ATP6V1E2: variants seen among roughly 807,000 people sequenced by gnomAD.
The protein encoded by ATP6V1E2 is ATPase H+ transporting V1 subunit E2, also known as V-type proton ATPase subunit E 2.
For synonymous variants in ATP6V1E2, 121 were observed against 104.2 expected, an observed-to-expected ratio of 1.16 and a Z score of -0.98; for missense variants, 308 against 273.3, an observed-to-expected ratio of 1.13 and a Z score of -0.90.
intron 4 of ATP6V1E2, among the ~76,000 whole-genome samples, chr2:46,514,211 T>C (rs372794323): frequency 3.1e-4 from 47 of 151,848 alleles, no homozygotes; most frequent in African/African-American, 1.1e-3. Flanking sequence ...ACCCAGGAGG[T>C]GGAGATTCCA....
chr2:46,536,175 C>T (rs935475295), intron 3 of ATP6V1E2, among the ~76,000 whole-genome samples: 1 of 152,178 alleles, frequency 6.6e-6, no homozygotes, highest in Non-Finnish European at 1.5e-5. Context: ...ACATTAAGAG[C>T]GCTTGAGCCG....
chr2:46,516,835 A>G (rs747249296), intron 4 of ATP6V1E2, among the ~76,000 whole-genome samples: 1 of 152,238 alleles, frequency 6.6e-6, no homozygotes, highest in Non-Finnish European at 1.5e-5. Context: ...AAGAAGTTAA[A>G]AACAAATAAA....
chr2:46,512,192 C>G lies in ATP6V1E2; in HGVS notation c.520G>C (p.Ala174Pro), dbSNP rs540967481. 6.2e-6 allele frequency: 10 copies of G among 1,614,060 alleles called. No homozygotes were observed. Among genetic ancestry groups the G allele is most frequent in the African/African-American group, 1.3e-5 (1 of 74,912 alleles). Reference sequence around the variant, plus strand: ...TCCACACCTCCAGCTGCATTCACAGCCAGGTATGCCTCTTTATCAATCTGG... The same window carrying G: ...TCCACACCTCCAGCTGCATTCACAGGCAGGTATGCCTCTTTATCAATCTGG... Reference protein sequence around the residue: ...EVQIDKEAYLAVNAAGGVEVY... With the variant: ...EVQIDKEAYLPVNAAGGVEVY... Residue 174 changes from alanine (A) to proline (P), a missense_variant, in exon 5 of 5, where the codon GCT (alanine) becomes CCT (proline). Ala to Pro is a conservative substitution (Grantham distance 27). Coordinates refer to ENST00000522587, the MANE Select transcript of ATP6V1E2 (RefSeq NM_001318063.2).
chr2:46,531,965 T>C (rs7607308), intron 4 of ATP6V1E2, among the ~76,000 whole-genome samples: 37,220 of 152,182 alleles, frequency 0.24, 4,762 homozygotes, highest in Admixed American at 0.3. Flanking sequence ...TTTGTAAGTA[T>C]TTTCTCTCAT....
Position 46,542,546 on chromosome 2 carries a change from GGCAGGGCCGCGCGGCGGCA to G in ATP6V1E2, c.-722_-704del, listed in dbSNP as rs1667842878. ...GCAGGGAGTGGGGCTCGGGTGCGCC[GGCAGGGCCGCGCGGCGGCA>G]GCAGGCGGGGGCGCGTGGCGCGGGC... On this transcript the variant is annotated 5_prime_UTR_variant, in exon 1 of 5. Transcript: ENST00000522587. The G allele has an allele frequency of 1.3e-5, 2 of 148,598 alleles. No homozygotes were observed. Among genetic ancestry groups the G allele is most frequent in the East Asian group, 3.9e-4 (2 of 5,104 alleles). 9.2% of individuals were successfully genotyped at this position (148,598 alleles called of 1,614,324 possible). A position where few individuals can be genotyped will look rare whatever the true frequency, so the allele number is the denominator to read the frequency against.
intron 2 of ATP6V1E2, among the ~76,000 whole-genome samples, chr2:46,540,613 CTTTTTTTTTTTTTTTT>C (rs59810518): frequency 8.6e-6 from 1 of 115,614 alleles, no homozygotes; most frequent in African/African-American, 3.4e-5. Context: ...TTTTCTGTAA[CTTTTTTTTTTTTTTTT>C]TTTTTTTTTT....
intron 4 of ATP6V1E2, among the ~76,000 whole-genome samples, chr2:46,517,914 G>T (rs934588747): frequency 6.6e-6 from 1 of 152,246 alleles, no homozygotes; most frequent in Non-Finnish European, 1.5e-5. Context: ...TGGTGGGAAT[G>T]TAAAATGATG....
intron 4 of ATP6V1E2, among the ~76,000 whole-genome samples, chr2:46,529,557 C>T (rs1176553479): frequency 6.6e-6 from 1 of 152,130 alleles, no homozygotes; most frequent in Non-Finnish European, 1.5e-5. Flanking sequence ...GAGTTTGAGA[C>T]CAGCCTGGGA....
intron 4 of ATP6V1E2, among the ~76,000 whole-genome samples, chr2:46,514,324 G>T (rs1332452930): frequency 7.6e-6 from 1 of 131,756 alleles, no homozygotes; most frequent in African/African-American, 2.8e-5. Context: ...AGGAAATACA[G>T]CTTTTAAGGC....
intron 2 of ATP6V1E2, among the ~76,000 whole-genome samples, chr2:46,538,537 G>A (rs1016756591): frequency 6.6e-6 from 1 of 151,848 alleles, no homozygotes; most frequent in African/African-American, 2.4e-5. Flanking sequence ...TGACAAATCA[G>A]AGAACAGTTG....
intron 2 of ATP6V1E2, chr2:46,537,417 G>C (rs1220470941): frequency 6.6e-6 from 1 of 152,224 alleles, no homozygotes; most frequent in East Asian, 1.9e-4. Flanking sequence ...CTAATCAGAA[G>C]AAGTTCAAGA....
intron 2 of ATP6V1E2, among the ~76,000 whole-genome samples, chr2:46,537,916 C>T (rs955202444): frequency 4.0e-5 from 6 of 151,308 alleles, no homozygotes; most frequent in African/African-American, 1.5e-4. Context: ...TGGAAAGGCT[C>T]AAAAAGCAAG....
In ATP6V1E2 at chr2:46,525,706, C is replaced by A. The variant is rs567533530; in HGVS notation, c.-102+10107G>T. Among the ~76,000 whole-genome samples the A allele has an allele frequency of 3.9e-5, 6 of 152,244 alleles. No homozygotes were observed. In the South Asian group the frequency reaches 6.2e-4, roughly 16 times the overall value. The stretch of plus-strand genomic sequence containing the variant: ...TCACACTGGCAAAGCAGGCTTTGGT[C>A]AGGACTGGAGAAAGCTAATGCCTAC... On this transcript the variant is annotated intron_variant, in intron 4 of 4. Transcript: ENST00000522587.
intron 4 of ATP6V1E2, among the ~76,000 whole-genome samples, chr2:46,524,863 G>A (rs1666815605): frequency 6.6e-6 from 1 of 152,176 alleles, no homozygotes; most frequent in African/African-American, 2.4e-5. Flanking sequence ...ACTGGGGTGT[G>A]AATGGGAAAG....
chr2:46,539,521 G>T (rs900482268), intron 2 of ATP6V1E2, among the ~76,000 whole-genome samples: 10 of 152,256 alleles, frequency 6.6e-5, no homozygotes, highest in African/African-American at 2.4e-4. Context: ...CTTCCTCAGT[G>T]GCCCCATTGG....
Position 46,511,901 on chromosome 2 carries a change from G to T in ATP6V1E2, c.*130C>A. 1.3e-6 allele frequency: 1 copy of T among 790,534 alleles called. No homozygotes were observed. The highest frequency in any genetic ancestry group is 1.9e-6 in the Non-Finnish European group (1 of 523,764). 49.0% of individuals were successfully genotyped at this position (790,534 alleles called of 1,614,324 possible). On this transcript the variant is annotated 3_prime_UTR_variant, in exon 5 of 5. Coordinates refer to ENST00000522587, the MANE Select transcript of ATP6V1E2 (RefSeq NM_001318063.2). ...AAGTTAACACTTTAGCTATCCAAAG[G>T]GTATTTCGTGAAGAAAAACAGAACA...
At chr2:46,538,178 T>C (rs565218728) in intron 2 of ATP6V1E2, among the ~76,000 whole-genome samples, 1 of 152,270 alleles carries the variant, frequency 6.6e-6, no homozygotes, top group African/African-American at 2.4e-5. Context: ...GTGATCTGTC[T>C]CCTCCTGGCT....
chr2:46,541,064 T>TCTCCTTTTCAAGCTCCTGGATAGACC (rs1667737204), intron 2 of ATP6V1E2, among the ~76,000 whole-genome samples: 1 of 152,148 alleles, frequency 6.6e-6, no homozygotes, highest in Non-Finnish European at 1.5e-5. Context: ...GGCTGAGTGC[T>TCTCCTTTTCAAGCTCCTGGATAGACC]CTCCTTTTCA....
rs763448899 is a variant in ATP6V1E2 at position 46,512,589 on chromosome 2, C to G, written c.123G>C (p.Glu41Asp). The G allele has an allele frequency of 6.2e-7, 1 of 1,614,234 alleles. No homozygotes were observed. Among genetic ancestry groups the G allele is most frequent in the South Asian group, 1.1e-5 (1 of 91,086 alleles). The change falls in exon 5 of 5, where the codon GAG becomes GAC. Residue 41 changes from glutamate (E) to aspartate (D), a missense_variant. Coordinates refer to ENST00000522587, the MANE Select transcript of ATP6V1E2 (RefSeq NM_001318063.2). ...GTTGGGTTTGCACGAGGCGTCCTTT[C>G]TCAATGTTAAACTCTTCCTCAGCCT... is the stretch of plus-strand genomic sequence containing the variant. Reference protein sequence around the residue: ...DAKAEEEFNIEKGRLVQTQRL... With the variant: ...DAKAEEEFNIDKGRLVQTQRL...
Sources: allele counts gnomAD v4.1 joint callset (sites outside exome capture counted in the v4.1 genomes callset), GRCh38; gene constraint gnomAD v4.1.1; transcripts MANE v1.5; gene names NCBI Gene and HGNC (gene_info 2026-07-23, HGNC 2026-07-21).